The following PAK3 variants were observed in gnomAD, a reference collection of about 807,000 sequenced individuals.
PAK3 encodes serine/threonine-protein kinase PAK 3.
PAK3 carries 4 observed loss-of-function variants against 41.0 expected under a neutral mutation model. That is an observed-to-expected ratio of 0.10 (90% CI 0.05 to 0.22). The LOEUF (loss-of-function observed/expected upper bound fraction) is 0.22, where lower values mean the gene tolerates loss of function less well. Among genes scored for constraint, PAK3 ranks in the 10% least tolerant of loss-of-function variants. The pLI, the probability that PAK3 is intolerant of heterozygous loss-of-function variation, is 1.00. For missense variants in PAK3, 205 were observed against 409.9 expected (o/e 0.50, Z 4.32); for synonymous variants, 146 against 139.6 (o/e 1.05, Z -0.32).
At chrX:110,999,590 C>T (rs901226161) in intron 1 of PAK3, among the ~76,000 whole-genome samples, 10 of 109,562 alleles carry the variant, frequency 9.1e-5, no homozygotes, top group African/African-American at 2.7e-4. Context: ...GGCCTGTAGA[C>T]TCAGCCACTT....
chrX:111,217,788 A>AT (rs1470619120), intron 17 of PAK3: 1 of 138,451 alleles, frequency 7.2e-6, no homozygotes, highest in Non-Finnish European at 1.3e-5. Context: ...TCACTTTTAT[A>AT]TTTTTTCACC....
rs562399138 is a variant in PAK3, at chrX:111,025,213, T to C, written c.-28+80585T>C. On this transcript the variant is annotated intron_variant, in intron 1 of 14. Transcript: ENST00000425146. Reference sequence around the variant, plus strand: ...ATCAAAAAGTCTGAAAGAGCACAAATCTAAGATCACACCTCACAGAACTAG... The same window carrying C: ...ATCAAAAAGTCTGAAAGAGCACAAACCTAAGATCACACCTCACAGAACTAG... Among the ~76,000 whole-genome samples, 5 of 110,379 alleles carry C rather than the reference T, an allele frequency of 4.5e-5. No homozygotes were observed. The Admixed American group carries it at 4.9e-4, about 11-fold the overall frequency.
intron 1 of PAK3, among the ~76,000 whole-genome samples, chrX:111,004,866 G>A (rs1206292778): frequency 8.9e-6 from 1 of 111,939 alleles, no homozygotes; most frequent in Admixed American, 9.5e-5. Flanking sequence ...AATTCAAAAT[G>A]TTCTCGACTC....
chrX:111,027,143 CT>C (rs1480675129), intron 1 of PAK3, among the ~76,000 whole-genome samples: 1 of 110,986 alleles, frequency 9.0e-6, no homozygotes, highest in Admixed American at 9.6e-5. Flanking sequence ...CATCTCACGC[CT>C]TGTACAAAAA....
chrX:111,094,749 C>T (rs1450275279), upstream of PAK3, among the ~76,000 whole-genome samples: 2 of 92,073 alleles, frequency 2.2e-5, no homozygotes, highest in Non-Finnish European at 4.1e-5. Context: ...AGTGCAGTGG[C>T]GCAATCTCGG....
chrX:111,044,705 G>A (rs947468378), intron 1 of PAK3, among the ~76,000 whole-genome samples: 13 of 112,394 alleles, frequency 1.2e-4, no homozygotes, highest in African/African-American at 4.2e-4. Flanking sequence ...TGCAGCTTTA[G>A]AGAAGCTACA....
chrX:111,043,293 C>CA (rs751253205), intron 1 of PAK3, among the ~76,000 whole-genome samples: 5,569 of 65,216 alleles, frequency 0.085, 291 homozygotes, highest in African/African-American at 0.2. Flanking sequence ...GACCCTGTCT[C>CA]AAAAAAAAAA....
intron 8 of PAK3, among the ~76,000 whole-genome samples, chrX:111,160,589 T>C (rs1441720257): frequency 9.2e-6 from 1 of 109,207 alleles, no homozygotes; most frequent in Non-Finnish European, 1.9e-5. Flanking sequence ...TAGCATTAGG[T>C]ATATCACCTA....
chrX:111,008,524 A>G (rs2091966481), intron 1 of PAK3, among the ~76,000 whole-genome samples: 1 of 112,637 alleles, frequency 8.9e-6, no homozygotes, highest in African/African-American at 3.2e-5. Flanking sequence ...TGTCTCCATG[A>G]CACCTGGCAG....
rs1261091944 is a variant in PAK3, at chrX:111,217,884, A to G, written c.1545+1326A>G. Among the ~76,000 whole-genome samples, 3 of 112,417 alleles carry G rather than the reference A, an allele frequency of 2.7e-5. No individual in the cohort carries two copies. In the Admixed American group the frequency reaches 2.8e-4, roughly 11 times the overall value. On this transcript the variant is annotated intron_variant, in intron 17 of 17. Transcript: ENST00000372007. ...TAATTGAAGGTGTAGGTTATCTTCA[A>G]TTGGCTATCCAGATAAATGTGGCTA...
chrX:110,979,813 G>A (rs1382763909), intron 1 of PAK3, among the ~76,000 whole-genome samples: 1 of 111,914 alleles, frequency 8.9e-6, no homozygotes, highest in Non-Finnish European at 1.9e-5. Context: ...TTGGTATGTT[G>A]CATCTTCATT....
intron 1 of PAK3, among the ~76,000 whole-genome samples, chrX:111,024,827 C>G (rs2092246068): frequency 9.0e-6 from 1 of 111,252 alleles, no homozygotes; most frequent in Non-Finnish European, 1.9e-5. Context: ...ACATTCTACC[C>G]AACAACTTCA....
chrX:111,195,995 A>G, intron 15 of PAK3, 54 bp downstream of exon 15: 3 of 688,472 alleles, frequency 4.4e-6, no homozygotes, highest in Non-Finnish European at 7.2e-6. Context: ...CTGTTCTTTC[A>G]TTGTATATCT....
At chrX:111,100,271 G>C (rs1466622351) in intron 3 of PAK3, among the ~76,000 whole-genome samples, 1 of 111,110 alleles carries the variant, frequency 9.0e-6, no homozygotes, top group East Asian at 2.8e-4. Flanking sequence ...CTTCTCCTTC[G>C]TGCCCTCCTC....
intron 1 of PAK3, among the ~76,000 whole-genome samples, chrX:111,080,815 G>A (rs1000931442): frequency 8.9e-6 from 1 of 112,051 alleles, no homozygotes; most frequent in Non-Finnish European, 1.9e-5. Context: ...CGGTAGTCAA[G>A]ATATGAAATT....
At chrX:111,163,470 G>T in intron 9 of PAK3, 92 bp from the exon 10 acceptor site, 1 of 644,548 alleles carries the variant, frequency 1.6e-6, no homozygotes, top group Non-Finnish European at 2.5e-6. Flanking sequence ...AATACCACTT[G>T]TCTTTAAAAA....
intron 6 of PAK3, chrX:111,146,713 C>T (rs2093948626): frequency 5.3e-6 from 2 of 377,351 alleles, no homozygotes; most frequent in Non-Finnish European, 9.3e-6. Context: ...TGGAGGCCCA[C>T]GTCACACATT....
At chrX:111,084,755 C>T (rs2092865888) in intron 1 of PAK3, among the ~76,000 whole-genome samples, 1 of 112,452 alleles carries the variant, frequency 8.9e-6, no homozygotes, top group African/African-American at 3.2e-5. Context: ...CCAAGCCTTT[C>T]TATGATACAT....
chrX:110,974,054 A>T, intron 1 of PAK3, among the ~76,000 whole-genome samples: 1 of 111,897 alleles, frequency 8.9e-6, no homozygotes, highest in Non-Finnish European at 1.9e-5. Context: ...GAGCACCCAG[A>T]TTCATAAAGC....
Sources: allele counts gnomAD v4.1 joint callset (sites outside exome capture counted in the v4.1 genomes callset), GRCh38; gene constraint gnomAD v4.1.1; transcripts MANE v1.5; gene names NCBI Gene and HGNC (gene_info 2026-07-23, HGNC 2026-07-21).